BMPR1A: variants seen among roughly 807,000 people sequenced by gnomAD.
The protein encoded by BMPR1A is bone morphogenetic protein receptor type 1A, also known as bone morphogenetic protein receptor type-1A.
BMPR1A carries 7 observed loss-of-function variants against 66.0 expected under a neutral mutation model. The ratio of observed to expected loss-of-function variants is 0.11; its 90% CI spans 0.06 to 0.20. The LOEUF (loss-of-function observed/expected upper bound fraction) is 0.20. Ranked by LOEUF, BMPR1A falls within the 10% of genes least tolerant of loss-of-function variation. BMPR1A has a pLI of 1.00. For missense variants in BMPR1A, 408 were observed against 669.1 expected (o/e 0.61, Z 4.31); for synonymous variants, 200 against 229.7 (o/e 0.87, Z 1.17).
intron 4 of BMPR1A, 126 bp downstream of exon 4, chr10:86,890,350 C>T (rs1843130973): frequency 2.6e-6 from 3 of 1,151,476 alleles, no homozygotes; most frequent in Non-Finnish European, 3.8e-6. Flanking sequence ...TCCAGAAAGC[C>T]AAAAAGCCTT....
At chr10:86,903,684 T>C (rs1200525575) in intron 7 of BMPR1A, among the ~76,000 whole-genome samples, 1 of 152,030 alleles carries the variant, frequency 6.6e-6, no homozygotes, top group African/African-American at 2.4e-5. Context: ...CGATCTCCGC[T>C]CAATGCAAGC....
chr10:86,895,081 A>G (rs886663852), intron 5 of BMPR1A, among the ~76,000 whole-genome samples: 8 of 152,240 alleles, frequency 5.3e-5, no homozygotes, highest in African/African-American at 1.4e-4. Flanking sequence ...TTCGAAGTAA[A>G]GGCATCAGTG....
chr10:86,773,680 A>G (rs1841301891), intron 1 of BMPR1A, among the ~76,000 whole-genome samples: 1 of 151,840 alleles, frequency 6.6e-6, no homozygotes. Flanking sequence ...GAAAGAATGG[A>G]ATCTAAACAC....
intron 1 of BMPR1A, among the ~76,000 whole-genome samples, chr10:86,778,232 A>AT (rs566239833): frequency 0.021 from 2,993 of 145,550 alleles, 42 homozygotes; most frequent in Middle Eastern, 0.11. Context: ...TTTTTTTGCA[A>AT]TTTTTTTTTT....
At chr10:86,919,120 C>G in intron 9 of BMPR1A, 52 bp from the exon 10 acceptor site, 1 of 1,602,464 alleles carries the variant, frequency 6.2e-7, no homozygotes, top group Non-Finnish European at 8.5e-7. Context: ...CATTACTTCT[C>G]CCTAGCCTAT....
At chr10:86,764,259 A>C (rs892185009) in intron 1 of BMPR1A, among the ~76,000 whole-genome samples, 1 of 152,252 alleles carries the variant, frequency 6.6e-6, no homozygotes, top group East Asian at 1.9e-4. Flanking sequence ...TCTTGTTAGA[A>C]AATATTAAAG....
At chr10:86,797,326 G>A (rs1841733802) in intron 1 of BMPR1A, among the ~76,000 whole-genome samples, 1 of 150,320 alleles carries the variant, frequency 6.7e-6, no homozygotes, top group South Asian at 2.1e-4. Flanking sequence ...CACCTCCTGG[G>A]TTCAAGTGAT....
intron 5 of BMPR1A, among the ~76,000 whole-genome samples, chr10:86,893,893 A>G (rs1461106888): frequency 1.3e-5 from 2 of 152,232 alleles, no homozygotes; most frequent in East Asian, 3.8e-4. Context: ...AATGACTGCA[A>G]ATCTATCTTC....
At position 86,885,535 on chromosome 10, in the gene BMPR1A, C is replaced by T. The variant is rs142822466; in HGVS notation, c.68-4527C>T. Among the ~76,000 whole-genome samples the T allele has an allele frequency of 4.0e-3, 613 of 152,272 alleles. 1 individual carries two copies. The highest frequency in any genetic ancestry group is 0.014 in the African/African-American group (583 of 41,548). On this transcript the variant is annotated intron_variant, in intron 3 of 12. Coordinates refer to ENST00000372037, the MANE Select transcript of BMPR1A (RefSeq NM_004329.3). ...TTTTTAATTTTACTTCATTTTAATTCGTCTACATTTTAAGTCACATGTGGC... is the reference window on the plus strand; with the variant it reads ...TTTTTAATTTTACTTCATTTTAATTTGTCTACATTTTAAGTCACATGTGGC...
intron 3 of BMPR1A, among the ~76,000 whole-genome samples, chr10:86,880,462 C>T (rs1842972597): frequency 6.6e-6 from 1 of 152,154 alleles, no homozygotes; most frequent in Non-Finnish European, 1.5e-5. Flanking sequence ...CTTTCTCCGT[C>T]GAAGACTGTA....
In BMPR1A at chr10:86,926,133, A is replaced by G. The variant is rs181275256; in HGVS notation, c.*2414A>G. On this transcript the variant is annotated 3_prime_UTR_variant, in exon 13 of 13. Transcript: ENST00000372037. ...AAATTAACTTGGTCTAGTAAAAGTGATATCAAGAGTTAATCTTAGAAACTT... is the reference window on the plus strand; with the variant it reads ...AAATTAACTTGGTCTAGTAAAAGTGGTATCAAGAGTTAATCTTAGAAACTT... 392 of 170,180 alleles carry G rather than the reference A, an allele frequency of 2.3e-3. 1 individual carries two copies. Among genetic ancestry groups the G allele is most frequent in the Non-Finnish European group, 3.6e-3 (285 of 78,376 alleles). The allele number at this position is 170,180 out of a possible 1,614,324, so 10.5% of individuals were successfully genotyped here. A position where few individuals can be genotyped will look rare whatever the true frequency, so the allele number is the denominator to read the frequency against.
At chr10:86,758,316 C>A (rs528542931) in intron 1 of BMPR1A, among the ~76,000 whole-genome samples, 17 of 151,846 alleles carry the variant, frequency 1.1e-4, no homozygotes, top group Admixed American at 5.9e-4. Context: ...GGAGCTCCTT[C>A]ATTAAATTCC....
chr10:86,840,787 T>A (rs1842415896), intron 2 of BMPR1A, among the ~76,000 whole-genome samples: 1 of 152,182 alleles, frequency 6.6e-6, no homozygotes, highest in Admixed American at 6.5e-5. Flanking sequence ...CTGTTTCGGA[T>A]TCCTCATCAT....
chr10:86,835,548 TCAAAAAAAAAAAAA>T (rs1842331930), intron 1 of BMPR1A, among the ~76,000 whole-genome samples: 1 of 11,280 alleles, frequency 8.9e-5, no homozygotes, highest in African/African-American at 4.2e-4. Context: ...AGACTCTGTA[TCAAAAAAAAAAAAA>T]AAAAAAAAAA....
At chr10:86,908,699 T>C (rs1843433043) in intron 7 of BMPR1A, among the ~76,000 whole-genome samples, 1 of 152,182 alleles carries the variant, frequency 6.6e-6, no homozygotes, top group South Asian at 2.1e-4. Flanking sequence ...TTGCGTGTTA[T>C]TCACATTAGA....
chr10:86,850,186 T>C (rs142513382), intron 2 of BMPR1A, among the ~76,000 whole-genome samples: 9,443 of 152,128 alleles, frequency 0.062, 415 homozygotes, highest in Non-Finnish European at 0.081. Context: ...CCAGGCATGG[T>C]GGTGCATGCC....
chr10:86,805,333 A>G (rs1841873681), intron 1 of BMPR1A, among the ~76,000 whole-genome samples: 1 of 148,578 alleles, frequency 6.7e-6, no homozygotes, highest in Admixed American at 6.7e-5. Flanking sequence ...ATTTTCCCAT[A>G]TTTGCATTAT....
intron 7 of BMPR1A, among the ~76,000 whole-genome samples, chr10:86,909,598 A>G (rs965989952): frequency 7.2e-6 from 1 of 139,590 alleles, no homozygotes; most frequent in African/African-American, 3.1e-5. Flanking sequence ...AAAAAAAAAA[A>G]GAAAAAAAAG....
chr10:86,897,165 C>A (rs1843235280), intron 5 of BMPR1A, among the ~76,000 whole-genome samples: 1 of 152,196 alleles, frequency 6.6e-6, no homozygotes, highest in Non-Finnish European at 1.5e-5. Context: ...CTGTCTCCAG[C>A]CTGAGCACAC....
Sources: gnomAD v4.1 joint callset for allele counts (sites outside exome capture counted in the v4.1 genomes callset) on GRCh38, gnomAD v4.1.1 for gene constraint, MANE v1.5 for transcripts, NCBI Gene and HGNC (gene_info 2026-07-23, HGNC 2026-07-21) for gene names.